The following GPC6 variants were observed in gnomAD, a reference collection of about 807,000 sequenced individuals.
The protein encoded by GPC6 is glypican-6.
Under a neutral mutation model 55.2 loss-of-function variants are expected in GPC6, and 14 were observed. The ratio of observed to expected loss-of-function variants is 0.25; its 90% confidence interval spans 0.17 to 0.40. The LOEUF (loss-of-function observed/expected upper bound fraction) is 0.40, where lower values mean the gene tolerates loss of function less well. GPC6 is among the 10% of genes least tolerant of loss of function. GPC6 has a pLI of 1.00. For missense variants in GPC6, 641 were observed against 708.5 expected (o/e 0.90, Z 1.08); for synonymous variants, 278 against 259.6 (o/e 1.07, Z -0.68).
chr13:93,741,441 C>T (rs181497243), intron 2 of GPC6, among the ~76,000 whole-genome samples: 1 of 152,098 alleles, frequency 6.6e-6, no homozygotes, highest in Non-Finnish European at 1.5e-5. Flanking sequence ...TTGTCTTCTA[C>T]AAGACATGGA....
At chr13:94,085,321 C>CAAAAA (rs33967804) in intron 4 of GPC6, among the ~76,000 whole-genome samples, 976 of 86,880 alleles carry the variant, frequency 0.011, 36 homozygotes, top group African/African-American at 0.021. Context: ...GATTCTGTCT[C>CAAAAA]AAAAAAAAAA....
At chr13:94,105,599 T>G (rs1299889094) in intron 4 of GPC6, among the ~76,000 whole-genome samples, 1 of 152,034 alleles carries the variant, frequency 6.6e-6, no homozygotes, top group Non-Finnish European at 1.5e-5. Context: ...TGAAGGAAGG[T>G]GAGAGAGAGC....
intron 2 of GPC6, among the ~76,000 whole-genome samples, chr13:93,644,374 G>A (rs1179541265): frequency 6.6e-6 from 1 of 152,038 alleles, no homozygotes; most frequent in Non-Finnish European, 1.5e-5. Context: ...GAAATAGTCA[G>A]ATATGTGTAC....
At chr13:94,379,489 C>G (rs1054537555) in intron 6 of GPC6, among the ~76,000 whole-genome samples, 10 of 152,144 alleles carry the variant, frequency 6.6e-5, no homozygotes, top group African/African-American at 2.2e-4. Flanking sequence ...TCCCCATCAT[C>G]GCGACGGGCT....
At chr13:93,334,191 GC>G (rs952539487) in intron 1 of GPC6, among the ~76,000 whole-genome samples, 29 of 152,058 alleles carry the variant, frequency 1.9e-4, no homozygotes, top group Admixed American at 9.8e-4. Context: ...TCTTATATAT[GC>G]CTGTTTGTTT....
chr13:93,803,577 A>G (rs1056506978), intron 2 of GPC6, among the ~76,000 whole-genome samples: 7 of 152,174 alleles, frequency 4.6e-5, no homozygotes, highest in African/African-American at 1.7e-4. Context: ...CAATTTCACA[A>G]CTAAGTATAT....
intron 4 of GPC6, among the ~76,000 whole-genome samples, chr13:94,085,344 A>AAAAAT (rs1885244381): frequency 7.5e-6 from 1 of 132,692 alleles, no homozygotes; most frequent in Admixed American, 7.5e-5. Context: ...AAAAAAAAAA[A>AAAAAT]GGGAAGAAAA....
chr13:93,409,525 G>A (rs1876419314), intron 1 of GPC6, among the ~76,000 whole-genome samples: 2 of 152,168 alleles, frequency 1.3e-5, no homozygotes, highest in Non-Finnish European at 2.9e-5. Context: ...GGGATGGCAA[G>A]TGTGTACTGC....
At chr13:93,685,303 T>A (rs777352670) in intron 2 of GPC6, among the ~76,000 whole-genome samples, 1 of 152,162 alleles carries the variant, frequency 6.6e-6, no homozygotes, top group African/African-American at 2.4e-5. Context: ...AAAGAGCTGA[T>A]GTCAAGTCTC....
chr13:94,343,889 C>T (rs1342604819), intron 6 of GPC6, among the ~76,000 whole-genome samples: 1 of 152,052 alleles, frequency 6.6e-6, no homozygotes, highest in African/African-American at 2.4e-5. Context: ...TGTCATCAGG[C>T]CCAGCTAATT....
chr13:94,296,135 G>C (rs1875320761), intron 5 of GPC6, among the ~76,000 whole-genome samples: 1 of 152,168 alleles, frequency 6.6e-6, no homozygotes, highest in Non-Finnish European at 1.5e-5. Context: ...TAAAATGAAG[G>C]TTTGAAAACA....
At chr13:93,349,470 G>T (rs556867404) in intron 1 of GPC6, among the ~76,000 whole-genome samples, 1 of 152,092 alleles carries the variant, frequency 6.6e-6, no homozygotes, top group African/African-American at 2.4e-5. Flanking sequence ...ATAATGCCTA[G>T]AAAGTGCATT....
intron 4 of GPC6, among the ~76,000 whole-genome samples, chr13:94,223,635 C>G (rs553148859): frequency 3.4e-4 from 51 of 152,196 alleles, no homozygotes; most frequent in African/African-American, 1.2e-3. Flanking sequence ...TACTGTACAC[C>G]TCACACACAT....
At chr13:93,269,738 G>A (rs112616813) in intron 1 of GPC6, among the ~76,000 whole-genome samples, 4,753 of 142,142 alleles carry the variant, frequency 0.033, 121 homozygotes, top group East Asian at 0.14. Context: ...ATCCTGGCTA[G>A]CACGGTGAAA....
chr13:94,299,117 C>A (rs772313890), intron 5 of GPC6, among the ~76,000 whole-genome samples: 39 of 152,170 alleles, frequency 2.6e-4, no homozygotes, highest in Non-Finnish European at 1.3e-4. Context: ...CAGTAATGAA[C>A]AAAATGTATG....
intron 4 of GPC6, among the ~76,000 whole-genome samples, chr13:94,216,075 C>T (rs1303851514): frequency 6.6e-6 from 1 of 152,124 alleles, no homozygotes; most frequent in Non-Finnish European, 1.5e-5. Context: ...AAATCTTTTC[C>T]AAATGTATCT....
Position 93,660,362 on chromosome 13 carries a change from C to T in GPC6, c.319+114941C>T, listed in dbSNP as rs188734894. On this transcript the variant is annotated intron_variant, in intron 2 of 8. Coordinates refer to ENST00000377047, the MANE Select transcript of GPC6 (RefSeq NM_005708.5). ...GGTATGGAAAAAAATTTTAGCTTCT[C>T]GCAGAAGGTCAGTAAATTATGGATT... Among the ~76,000 whole-genome samples the T allele has an allele frequency of 1.7e-3, 264 of 152,190 alleles. 4 individuals carry two copies. Among genetic ancestry groups the T allele is most frequent in the East Asian group, 1.4e-3 (7 of 5,182 alleles).
chr13:93,865,085 A>G (rs1164500225), intron 3 of GPC6, among the ~76,000 whole-genome samples: 1 of 151,700 alleles, frequency 6.6e-6, no homozygotes, highest in Non-Finnish European at 1.5e-5. Flanking sequence ...GGGTGACACC[A>G]TAAAAAAACT....
At chr13:93,713,822 T>C (rs970914477) in intron 2 of GPC6, among the ~76,000 whole-genome samples, 4 of 151,710 alleles carry the variant, frequency 2.6e-5, no homozygotes, top group African/African-American at 9.7e-5. Context: ...GTAACGAAGG[T>C]GGTATCTCAG....
Sources: allele counts gnomAD v4.1 joint callset (sites outside exome capture counted in the v4.1 genomes callset), GRCh38; gene constraint gnomAD v4.1.1; transcripts MANE v1.5; gene names NCBI Gene and HGNC (gene_info 2026-07-23, HGNC 2026-07-21).